SAMD12: variants seen among roughly 807,000 people sequenced by gnomAD.
The protein encoded by SAMD12 is sterile alpha motif domain-containing protein 12.
Under a neutral mutation model 15.0 loss-of-function variants are expected in SAMD12, and 9 were observed. The ratio of observed to expected loss-of-function variants is 0.60; its 90% CI spans 0.36 to 1.05. The LOEUF is 1.05. Among genes scored for constraint, SAMD12 ranks in the 50% least tolerant of loss-of-function variants. The pLI, the probability that SAMD12 is intolerant of heterozygous loss-of-function variation, is 0.01. For synonymous variants in SAMD12, 86 were observed against 90.1 expected (o/e 0.96, Z 0.25); for missense variants, 230 against 234.2 (o/e 0.98, Z 0.12).
chr8:118,521,918 T>A (rs778058363), intron 2 of SAMD12, among the ~76,000 whole-genome samples: 6 of 152,046 alleles, frequency 3.9e-5, no homozygotes, highest in Non-Finnish European at 8.8e-5. Flanking sequence ...CATATAGGAT[T>A]ACTCAACAAG....
intron 1 of SAMD12, among the ~76,000 whole-genome samples, chr8:118,594,909 A>T (rs1254842019): frequency 1.3e-5 from 2 of 152,180 alleles, no homozygotes; most frequent in Non-Finnish European, 2.9e-5. Context: ...TGTATTCCTT[A>T]ATCTCCTAAA....
At chr8:118,183,022 T>A in the SAMD12 span, among the ~76,000 whole-genome samples, 1 of 152,194 alleles carries the variant, frequency 6.6e-6, no homozygotes, top group Non-Finnish European at 1.5e-5. Flanking sequence ...CTTAGAAGCA[T>A]CAAAGAATAC....
At chr8:118,433,708 A>G (rs1221836739) in intron 3 of SAMD12, among the ~76,000 whole-genome samples, 3 of 152,220 alleles carry the variant, frequency 2.0e-5, no homozygotes, top group Non-Finnish European at 2.9e-5. Flanking sequence ...ATATAAAATT[A>G]TGCTCAAGTT....
chr8:118,489,575 C>T (rs1169241956), intron 2 of SAMD12, among the ~76,000 whole-genome samples: 3 of 152,248 alleles, frequency 2.0e-5, no homozygotes, highest in South Asian at 2.1e-4. Flanking sequence ...AGAGAAACCA[C>T]CTTGATAAAT....
At chr8:118,583,180 C>T (rs574412208) in intron 1 of SAMD12, among the ~76,000 whole-genome samples, 2 of 152,286 alleles carry the variant, frequency 1.3e-5, no homozygotes, top group East Asian at 3.9e-4. Flanking sequence ...ATTCCCCAAA[C>T]CACACTGCTG....
the SAMD12 span, among the ~76,000 whole-genome samples, chr8:118,163,874 CAAACA>C: frequency 0.13 from 19,437 of 149,146 alleles, 1,409 homozygotes; most frequent in Non-Finnish European, 0.16. Flanking sequence ...GACTCCGTCT[CAAACA>C]AAACAAAACA....
intron 3 of SAMD12, among the ~76,000 whole-genome samples, chr8:118,397,462 T>C (rs926907014): frequency 6.6e-6 from 1 of 152,126 alleles, no homozygotes; most frequent in Non-Finnish European, 1.5e-5. Context: ...CCTTGCAATA[T>C]AAGGTCCTTG....
chr8:118,177,744 C>A, the SAMD12 span, among the ~76,000 whole-genome samples: 26 of 36,292 alleles, frequency 7.2e-4, no homozygotes, highest in South Asian at 1.4e-3. Context: ...AATAAAAAAA[C>A]AACATAAAGG....
At chr8:118,519,773 C>T (rs1222710807) in intron 2 of SAMD12, among the ~76,000 whole-genome samples, 1 of 152,078 alleles carries the variant, frequency 6.6e-6, no homozygotes, top group Non-Finnish European at 1.5e-5. Flanking sequence ...CACAAATTGC[C>T]TAAAGCAGTA....
chr8:118,504,507 G>A (rs1321554112), intron 2 of SAMD12, among the ~76,000 whole-genome samples: 1 of 152,136 alleles, frequency 6.6e-6, no homozygotes, highest in Non-Finnish European at 1.5e-5. Flanking sequence ...GCTTAGCAGA[G>A]GATGTAGTGG....
chr8:118,312,796 A>G (rs112789421), intron 4 of SAMD12, among the ~76,000 whole-genome samples: 196 of 152,352 alleles, frequency 1.3e-3, no homozygotes, highest in African/African-American at 4.5e-3. Context: ...AGTAAGAATC[A>G]TCTAGTAAGA....
At chr8:118,263,507 A>G (rs924743638) in intron 4 of SAMD12, among the ~76,000 whole-genome samples, 5 of 152,098 alleles carry the variant, frequency 3.3e-5, no homozygotes, top group African/African-American at 9.7e-5. Flanking sequence ...GTACCCCAGA[A>G]AAAAATCTAT....
chr8:118,537,846 A>G (rs1825887827), intron 2 of SAMD12, among the ~76,000 whole-genome samples: 1 of 152,094 alleles, frequency 6.6e-6, no homozygotes, highest in African/African-American at 2.4e-5. Flanking sequence ...GTTTTCCTGG[A>G]TTACACTGAT....
intron 4 of SAMD12, among the ~76,000 whole-genome samples, chr8:118,235,391 A>G (rs1022992705): frequency 2.6e-5 from 4 of 152,088 alleles, no homozygotes; most frequent in African/African-American, 7.2e-5. Flanking sequence ...TTGTATTTTT[A>G]GTAGAGATGG....
chr8:118,463,024 C>G (rs910580678), intron 2 of SAMD12, among the ~76,000 whole-genome samples: 2 of 144,514 alleles, frequency 1.4e-5, no homozygotes, highest in African/African-American at 2.6e-5. Context: ...TGGCGTGAAC[C>G]CGGGAGGCGG....
intron 4 of SAMD12, among the ~76,000 whole-genome samples, chr8:118,325,779 C>T (rs1211937923): frequency 6.6e-6 from 1 of 152,148 alleles, no homozygotes; most frequent in African/African-American, 2.4e-5. Context: ...TTGTAGTCCT[C>T]TCTATTTTTG....
chr8:118,439,486 G>A (rs1822668884), intron 3 of SAMD12, among the ~76,000 whole-genome samples: 1 of 151,888 alleles, frequency 6.6e-6, no homozygotes, highest in Non-Finnish European at 1.5e-5. Context: ...TTTCTACTTG[G>A]AAGATCTACA....
At chr8:118,191,685 G>A (rs947091991) in exon 5 of SAMD12, 1 of 145,688 alleles carries the variant, frequency 6.9e-6, no homozygotes, top group African/African-American at 2.5e-5. Context: ...AGTAGACATA[G>A]AGCCAGCAGG....
chr8:118,321,080 G>A (rs1411251331), intron 4 of SAMD12, among the ~76,000 whole-genome samples: 1 of 128,412 alleles, frequency 7.8e-6, no homozygotes, highest in East Asian at 2.2e-4. Flanking sequence ...AGAAGTTGAT[G>A]AATACATATA....
Sources: allele counts gnomAD v4.1 joint callset (sites outside exome capture counted in the v4.1 genomes callset), GRCh38; gene constraint gnomAD v4.1.1; transcripts MANE v1.5; gene names NCBI Gene and HGNC (gene_info 2026-07-23, HGNC 2026-07-21).